Variants in B4GALT4 observed in about 807,000 individuals in gnomAD.
B4GALT4 encodes N-acetyllactosamine synthase.
A neutral mutation model predicts 37.3 loss-of-function variants in B4GALT4; 27 were observed. The ratio of observed to expected loss-of-function variants is 0.72; its 90% CI spans 0.53 to 1.00. B4GALT4 has a LOEUF of 1.00. B4GALT4 is among the 50% of genes least tolerant of loss of function. The pLI is 0.00. For synonymous variants in B4GALT4, 148 were observed against 154.1 expected (o/e 0.96, Z 0.29); for missense variants, 372 against 413.1 (o/e 0.90, Z 0.86).
intron 3 of B4GALT4, 143 bp from the exon 4 acceptor site, chr3:119,227,184 A>G: frequency 1.4e-6 from 1 of 724,726 alleles, no homozygotes; most frequent in Non-Finnish European, 2.2e-6. Context: ...ATTACTTTAA[A>G]GGCTCATTTA....
intron 1 of B4GALT4, 92 bp downstream of exon 1, chr3:119,240,758 G>A (rs915040653): frequency 1.3e-5 from 2 of 152,312 alleles, no homozygotes; most frequent in Non-Finnish European, 2.9e-5. Flanking sequence ...ACAGCCCTGG[G>A]ACTGACCCCG....
chr3:119,212,602 C>T lies in B4GALT4; in HGVS notation c.982G>A (p.Glu328Lys). The T allele has an allele frequency of 1.9e-6, 3 of 1,613,272 alleles. No homozygotes were observed. Among genetic ancestry groups the T allele is most frequent in the Non-Finnish European group, 2.5e-6 (3 of 1,179,640 alleles). ...ATGTTGATATATAAAGGATTGTGTT[C>T]CACAGATACTAATTTATAAGAACAA... ...SSCSYKLVSVEHNPLYINITV... is the reference protein window; with the variant it reads ...SSCSYKLVSVKHNPLYINITV... Residue 328 changes from glutamate to lysine, a missense_variant, in exon 8 of 8, where the codon GAA becomes AAA. By Grantham distance (56) the Glu-to-Lys change is moderately conservative. Coordinates refer to ENST00000393765, the MANE Select transcript of B4GALT4 (RefSeq NM_003778.4).
In B4GALT4 at chr3:119,230,183, C is replaced by A. The variant is rs989514994; in HGVS notation, c.-84G>T. On this transcript the variant is annotated 5_prime_UTR_variant, in exon 3 of 8. Transcript: ENST00000393765. ...AAGTTGAGCTTTTCCAATCTGATTGCGAACTTGATGACAACTGAAGATACA... is the reference window on the plus strand; with the variant it reads ...AAGTTGAGCTTTTCCAATCTGATTGAGAACTTGATGACAACTGAAGATACA... 1 of 1,527,202 alleles carries A rather than the reference C, an allele frequency of 6.5e-7. No individual in the cohort carries two copies. Among genetic ancestry groups the A allele is most frequent in the South Asian group, 1.2e-5 (1 of 80,216 alleles). 94.6% of individuals were successfully genotyped at this position (1,527,202 alleles called of 1,614,324 possible). A position where few individuals can be genotyped will look rare whatever the true frequency, so the allele number is the denominator to read the frequency against.
chr3:119,212,844 T>C, intron 7 of B4GALT4, 163 bp from the exon 8 acceptor site: 1 of 659,088 alleles, frequency 1.5e-6, no homozygotes, highest in African/African-American at 1.8e-5. Flanking sequence ...GTGACAGACA[T>C]GATAGCCATG....
At chr3:119,227,318 G>A (rs150229278) in intron 3 of B4GALT4, among the ~76,000 whole-genome samples, 59 of 152,334 alleles carry the variant, frequency 3.9e-4, no homozygotes, top group African/African-American at 1.3e-3. Flanking sequence ...CCATCTGTAA[G>A]AGGGAATATC....
Position 119,230,018 on chromosome 3 carries a change from A to G in B4GALT4, c.82T>C (p.Trp28Arg). The G allele has an allele frequency of 6.2e-7, 1 of 1,614,190 alleles. No individual in the cohort carries two copies. Among genetic ancestry groups the G allele is most frequent in the Non-Finnish European group, 8.5e-7 (1 of 1,180,022 alleles). The change falls in exon 3 of 8, where the codon TGG becomes CGG. Residue 28 changes from tryptophan to arginine, a missense_variant. Trp to Arg is a moderately radical substitution (Grantham distance 101). Transcript: ENST00000393765. ...LLTLCLTVVG[W>R]ATSNYFVGAI... ...CCCACGAAGTAGTTACTGGTGGCCCACCCAACCACTGTCAGGCACAAAGTC... is the reference window on the plus strand; with the variant it reads ...CCCACGAAGTAGTTACTGGTGGCCCGCCCAACCACTGTCAGGCACAAAGTC...
chr3:119,230,901 G>A (rs2078792669), intron 2 of B4GALT4, among the ~76,000 whole-genome samples: 2 of 152,136 alleles, frequency 1.3e-5, no homozygotes, highest in Admixed American at 6.5e-5. Context: ...TCAGGAGTTT[G>A]GACTTAGACA....
At chr3:119,221,467 C>T (rs2866469) in intron 5 of B4GALT4, among the ~76,000 whole-genome samples, 54,891 of 152,012 alleles carry the variant, frequency 0.36, 10,754 homozygotes, top group Non-Finnish European at 0.42. Flanking sequence ...GTTGCCAGCA[C>T]GGGGCAGACA....
chr3:119,236,642 A>T (rs1213810469), intron 2 of B4GALT4, among the ~76,000 whole-genome samples: 1 of 152,220 alleles, frequency 6.6e-6, no homozygotes, highest in Non-Finnish European at 1.5e-5. Flanking sequence ...ACGGACTAGG[A>T]TATACTAGTT....
intron 2 of B4GALT4, chr3:119,234,916 A>G (rs1481691193): frequency 3.3e-5 from 5 of 152,170 alleles, no homozygotes; most frequent in African/African-American, 1.2e-4. Context: ...GTTTTCCTCC[A>G]CTCAATTCAA....
intron 7 of B4GALT4, 126 bp downstream of exon 7, chr3:119,216,113 GA>G (rs1179398360): frequency 3.0e-6 from 2 of 668,970 alleles, no homozygotes; most frequent in Non-Finnish European, 4.5e-6. Flanking sequence ...GTGTCTGTTT[GA>G]AAATTTGCTT....
chr3:119,217,145 C>A (rs947130088), intron 6 of B4GALT4, among the ~76,000 whole-genome samples: 1 of 152,238 alleles, frequency 6.6e-6, no homozygotes, highest in Non-Finnish European at 1.5e-5. Context: ...TACTTTGAAG[C>A]TGAAGCATAG....
intron 6 of B4GALT4, 57 bp downstream of exon 6, chr3:119,218,593 C>A: frequency 6.2e-7 from 1 of 1,608,414 alleles, no homozygotes; most frequent in Non-Finnish European, 8.5e-7. Context: ...AAATGCAGGT[C>A]TCCAGAGCCA....
rs146077977 is a variant in B4GALT4 at position 119,226,923 on chromosome 3, G to A, written c.372C>T (p.Val124=). The part of the protein sequence containing the change: ...RPQECKALQR[V]AILVPHRNRE... ...TGTTCCGGTGGGGAACGAGGATGGCGACCCTCTGTAAAGCTTTACATTCCT... is the reference window on the plus strand; with the variant it reads ...TGTTCCGGTGGGGAACGAGGATGGCAACCCTCTGTAAAGCTTTACATTCCT... The change falls in exon 4 of 8, where the codon GTC becomes GTT. Residue 124 remains valine, a synonymous_variant. Transcript: ENST00000393765. 1.1e-5 allele frequency: 18 copies of A among 1,613,942 alleles called. No homozygotes were observed. The African/African-American group carries it at 1.2e-4, about 11-fold the overall frequency.
At chr3:119,225,649 A>G (rs9867379) in intron 4 of B4GALT4, among the ~76,000 whole-genome samples, 16,497 of 151,950 alleles carry the variant, frequency 0.11, 1,026 homozygotes, top group East Asian at 0.24. Flanking sequence ...GGCTAGTCTC[A>G]AACTCCTATC....
Position 119,229,911 on chromosome 3 carries a change from C to A in B4GALT4, c.189G>T (p.Leu63=), listed in dbSNP as rs752834059. 14 of 1,614,026 alleles carry A rather than the reference C, an allele frequency of 8.7e-6. No individual in the cohort carries two copies. The highest frequency in any genetic ancestry group is 1.2e-5 in the Non-Finnish European group (14 of 1,180,036). Residue 63 remains leucine (L), a synonymous_variant, in exon 3 of 8, where the codon CTG becomes CTT. Transcript: ENST00000393765. ...CCTTCTTCGTGGATGCTTCATTAGT[C>A]AGAGTTTTTCCCTTCCCCAAAATGA... ...KTLILGKGKT[L]TNEASTKKVE...
At position 119,211,878 on chromosome 3, in the gene B4GALT4, T is replaced by C. The variant is rs1576878755; in HGVS notation, c.*671A>G. 1 of 417,782 alleles carries C rather than the reference T, an allele frequency of 2.4e-6. No homozygotes were observed. Among genetic ancestry groups the C allele is most frequent in the Non-Finnish European group, 4.3e-6 (1 of 235,142 alleles). The allele number at this position is 417,782 out of a possible 1,614,324, so 25.9% of individuals were successfully genotyped here. A position where few individuals can be genotyped will look rare whatever the true frequency, so the allele number is the denominator to read the frequency against. On this transcript the variant is annotated 3_prime_UTR_variant, in exon 8 of 8. Coordinates refer to ENST00000393765, the MANE Select transcript of B4GALT4 (RefSeq NM_003778.4). ...AAACTCTTTAAAAACTAATAGAGAA[T>C]GTATTCTCTGGTGGGCATCACTGGA... is the stretch of plus-strand genomic sequence containing the variant.
intron 6 of B4GALT4, among the ~76,000 whole-genome samples, chr3:119,216,764 T>A (rs1405693797): frequency 6.6e-6 from 1 of 152,232 alleles, no homozygotes; most frequent in Non-Finnish European, 1.5e-5. Flanking sequence ...AATGGCCATT[T>A]ATGGTCACAA....
chr3:119,218,839 G>A, intron 5 of B4GALT4, 67 bp from the exon 6 acceptor site: 1 of 1,586,090 alleles, frequency 6.3e-7, no homozygotes, highest in Non-Finnish European at 8.6e-7. Context: ...TTCAGGGCTG[G>A]CGTTCTAGGA....
Sources: allele counts gnomAD v4.1 joint callset (sites outside exome capture counted in the v4.1 genomes callset), GRCh38; gene constraint gnomAD v4.1.1; transcripts MANE v1.5; gene names NCBI Gene and HGNC (gene_info 2026-07-23, HGNC 2026-07-21).